CDH1: variants seen among roughly 807,000 people sequenced by gnomAD.
CDH1 encodes cadherin 1, also known as cadherin-1.
CDH1 carries 35 observed loss-of-function variants against 84.5 expected under a neutral mutation model. The ratio of observed to expected loss-of-function variants is 0.41; its 90% CI spans 0.32 to 0.55. The LOEUF is 0.55. Ranked by LOEUF, CDH1 falls within the 20% of genes least tolerant of loss-of-function variation. CDH1 has a pLI of 0.19. For missense variants in CDH1, 994 were observed against 1,126.6 expected (o/e 0.88, Z 1.68); for synonymous variants, 417 against 439.0 (o/e 0.95, Z 0.63).
intron 13 of CDH1, among the ~76,000 whole-genome samples, chr16:68,825,923 C>A (rs1961311241): frequency 6.7e-6 from 1 of 149,660 alleles, no homozygotes; most frequent in Admixed American, 6.7e-5. Context: ...CTCAGGCAAT[C>A]CTCCCACCTC....
At chr16:68,761,646 G>C (rs2152119319) in intron 2 of CDH1, among the ~76,000 whole-genome samples, 1 of 152,300 alleles carries the variant, frequency 6.6e-6, no homozygotes, top group African/African-American at 2.4e-5. Context: ...TCGGAATGGA[G>C]CATTGCTGGG....
chr16:68,807,834 A>G (rs1597889969), intron 3 of CDH1, among the ~76,000 whole-genome samples: 1 of 152,306 alleles, frequency 6.6e-6, no homozygotes, highest in East Asian at 1.9e-4. Context: ...TAATCCCAGC[A>G]TTTTGGGAGG....
chr16:68,822,683 C>G (rs945777289), intron 12 of CDH1: 1 of 322,922 alleles, frequency 3.1e-6, no homozygotes, highest in African/African-American at 2.2e-5. Context: ...CTACTTCTCT[C>G]TGGGCTTCTA....
chr16:68,745,550 A>AATATATATATATATATG (rs71253605), intron 2 of CDH1, among the ~76,000 whole-genome samples: 733 of 50,470 alleles, frequency 0.015, 41 homozygotes, highest in East Asian at 0.09. Context: ...AAAAAAAAAA[A>AATATATATATATATATG]TATATATATA....
chr16:68,774,728 AGGGT>A (rs1959680198), intron 2 of CDH1, among the ~76,000 whole-genome samples: 1 of 152,250 alleles, frequency 6.6e-6, no homozygotes, highest in East Asian at 1.9e-4. Context: ...CAGCAGCTGG[AGGGT>A]GGGCACTGGG....
intron 3 of CDH1, among the ~76,000 whole-genome samples, chr16:68,807,069 AC>A (rs1212491607): frequency 1.3e-5 from 2 of 152,216 alleles, no homozygotes; most frequent in Non-Finnish European, 1.5e-5. Flanking sequence ...TTACTGTGTT[AC>A]CAGTAATCAC....
intron 2 of CDH1, among the ~76,000 whole-genome samples, chr16:68,745,522 A>T (rs1431217472): frequency 8.2e-6 from 1 of 121,966 alleles, no homozygotes; most frequent in Admixed American, 8.7e-5. Flanking sequence ...CAGCTGATAG[A>T]GATCCTGTCT....
chr16:68,804,253 A>G (rs537704428), intron 3 of CDH1, among the ~76,000 whole-genome samples: 1 of 151,854 alleles, frequency 6.6e-6, no homozygotes, highest in East Asian at 1.9e-4. Context: ...AGCTGAGACT[A>G]CAGGCATCCG....
chr16:68,788,869 G>A (rs1406876344), intron 2 of CDH1, among the ~76,000 whole-genome samples: 1 of 152,098 alleles, frequency 6.6e-6, no homozygotes, highest in Non-Finnish European at 1.5e-5. Context: ...GCTGGGTATG[G>A]TGGCGGGCAC....
chr16:68,786,031 G>A (rs549637501), intron 2 of CDH1, among the ~76,000 whole-genome samples: 18 of 152,290 alleles, frequency 1.2e-4, no homozygotes, highest in African/African-American at 3.4e-4. Context: ...CCATCTCCTT[G>A]TGGTGGTAGC....
intron 2 of CDH1, among the ~76,000 whole-genome samples, chr16:68,784,046 G>A (rs939952389): frequency 6.6e-6 from 1 of 152,114 alleles, no homozygotes; most frequent in Non-Finnish European, 1.5e-5. Context: ...CCAGCCCTCT[G>A]TCAATGATGT....
intron 2 of CDH1, among the ~76,000 whole-genome samples, chr16:68,749,324 A>G (rs1194172082): frequency 1.3e-5 from 2 of 152,244 alleles, no homozygotes; most frequent in African/African-American, 4.8e-5. Context: ...TGAAGGACAC[A>G]GAGGTGGAGT....
chr16:68,769,352 T>C (rs532568187), intron 2 of CDH1, among the ~76,000 whole-genome samples: 1 of 152,328 alleles, frequency 6.6e-6, no homozygotes, highest in Admixed American at 6.5e-5. Flanking sequence ...CTCTTCCTAC[T>C]TCAATGTCTG....
chr16:68,824,457 G>A (rs1961266097), intron 13 of CDH1, among the ~76,000 whole-genome samples: 2 of 152,092 alleles, frequency 1.3e-5, no homozygotes, highest in Non-Finnish European at 2.9e-5. Flanking sequence ...TGGGGAAGGG[G>A]ATAACAGAGG....
rs1186537810 is a variant in CDH1, at chr16:68,823,340, G to T, written c.1937-59G>T. 8.0e-6 allele frequency: 10 copies of T among 1,246,694 alleles called. No homozygotes were observed. In the South Asian group the frequency reaches 1.2e-4, roughly 15 times the overall value. The allele number at this position is 1,246,694 out of a possible 1,614,324, so 77.2% of individuals were successfully genotyped here. On this transcript the variant is annotated intron_variant, in intron 12 of 15. Transcript: ENST00000261769. ...TTAGTTCACTAGCAATTTTATTCTG[G>T]AATGAGCTTTTTATTTTCCTCCCCT...
chr16:68,768,048 C>T (rs1297271749), intron 2 of CDH1, among the ~76,000 whole-genome samples: 2 of 152,116 alleles, frequency 1.3e-5, no homozygotes, highest in African/African-American at 2.4e-5. Context: ...CTCCGCCTCC[C>T]GGGTTCAAGT....
At chr16:68,806,254 C>T (rs578128435) in intron 3 of CDH1, among the ~76,000 whole-genome samples, 2 of 151,852 alleles carry the variant, frequency 1.3e-5, no homozygotes, top group African/African-American at 4.8e-5. Context: ...CGGGTTCAAG[C>T]AATTCTCACG....
intron 13 of CDH1, 122 bp from the exon 14 acceptor site, chr16:68,828,052 G>T: frequency 1.9e-6 from 2 of 1,029,266 alleles, no homozygotes; most frequent in Admixed American, 1.7e-5. Flanking sequence ...GTGTATTGAA[G>T]GCAGCTAGTG....
chr16:68,788,849 A>G (rs1597875945), intron 2 of CDH1, among the ~76,000 whole-genome samples: 1 of 152,044 alleles, frequency 6.6e-6, no homozygotes, highest in Non-Finnish European at 1.5e-5. Context: ...AAAACAAAAA[A>G]CAAAAATTAG....
Sources: gnomAD v4.1 joint callset for allele counts (sites outside exome capture counted in the v4.1 genomes callset) on GRCh38, gnomAD v4.1.1 for gene constraint, MANE v1.5 for transcripts, NCBI Gene and HGNC (gene_info 2026-07-23, HGNC 2026-07-21) for gene names.